SPECC1: variants seen among roughly 807,000 people sequenced by gnomAD.
SPECC1 encodes sperm antigen with calponin homology and coiled-coil domains 1.
SPECC1 carries 62 observed loss-of-function variants against 104.1 expected under a neutral mutation model. The ratio of observed to expected loss-of-function variants is 0.60; its 90% confidence interval spans 0.49 to 0.74. The LOEUF (loss-of-function observed/expected upper bound fraction) is 0.74. SPECC1 is among the 30% of genes least tolerant of loss of function. The probability of loss-of-function intolerance (pLI) is 0.00; values close to 1 mark genes in which losing one functional copy is unlikely to be tolerated. For synonymous variants in SPECC1, 513 were observed against 501.6 expected, an observed-to-expected ratio of 1.02 and a Z score of -0.30; for missense variants, 1,306 against 1,310.5, an observed-to-expected ratio of 1.00 and a Z score of 0.05.
intron 2 of SPECC1, 120 bp from the exon 3 acceptor site, chr17:20,110,307 G>C: frequency 8.3e-7 from 1 of 1,211,638 alleles, no homozygotes; most frequent in Non-Finnish European, 1.2e-6. Flanking sequence ...GCTACTCAAA[G>C]TGCTGTTATT....
intron 3 of SPECC1, among the ~76,000 whole-genome samples, chr17:20,144,223 C>T (rs1221988010): frequency 7.9e-6 from 1 of 126,922 alleles, no homozygotes; most frequent in South Asian, 2.7e-4. Flanking sequence ...CTCTGTCTGT[C>T]ACCGAGGCTG....
intron 1 of SPECC1, among the ~76,000 whole-genome samples, chr17:20,063,703 C>T (rs1272575791): frequency 6.6e-6 from 1 of 152,176 alleles, no homozygotes; most frequent in African/African-American, 2.4e-5. Context: ...ATCACAAACA[C>T]AGGCAGTTCA....
intron 12 of SPECC1, among the ~76,000 whole-genome samples, chr17:20,261,850 G>A (rs974505368): frequency 1.3e-5 from 2 of 152,150 alleles, no homozygotes; most frequent in Non-Finnish European, 2.9e-5. Flanking sequence ...CTGTGAGGAA[G>A]TGAAAAGTCA....
rs2046299355 is a variant in SPECC1, at chr17:20,064,569, C to T, written c.-21-32062C>T. ...TGGGGTGGGAGGACAGCAGGAGGATCTGTCCCAGCGCCAGACGTCTTCCAT... is the reference window on the plus strand; with the variant it reads ...TGGGGTGGGAGGACAGCAGGAGGATTTGTCCCAGCGCCAGACGTCTTCCAT... On this transcript the variant is annotated intron_variant, in intron 1 of 14. Transcript: ENST00000395527. 2.6e-5 allele frequency among the ~76,000 whole-genome samples: 4 copies of T among 152,154 alleles called. No individual in the cohort carries two copies. In the South Asian group the frequency reaches 8.3e-4, roughly 32 times the overall value.
chr17:20,144,041 A>T (rs539126057), intron 3 of SPECC1, among the ~76,000 whole-genome samples: 78 of 152,294 alleles, frequency 5.1e-4, no homozygotes, highest in African/African-American at 1.8e-3. Flanking sequence ...ATGTGAGTTC[A>T]CTGAGAGTCC....
chr17:20,309,980 G>C (rs1297618406), intron 14 of SPECC1, among the ~76,000 whole-genome samples: 1 of 150,110 alleles, frequency 6.7e-6, no homozygotes, highest in Non-Finnish European at 1.5e-5. Context: ...ACCATGCCCA[G>C]CTAATTTTTT....
chr17:20,081,138 A>G (rs1379871154), intron 1 of SPECC1, among the ~76,000 whole-genome samples: 3 of 151,936 alleles, frequency 2.0e-5, no homozygotes, highest in Non-Finnish European at 4.4e-5. Context: ...CTCTTCTGTC[A>G]CTGTGTGACT....
chr17:20,224,522 CTTTAT>C (rs1448203414), intron 4 of SPECC1, among the ~76,000 whole-genome samples: 1 of 152,096 alleles, frequency 6.6e-6, no homozygotes, highest in Non-Finnish European at 1.5e-5. Context: ...CTGCTTGGTT[CTTTAT>C]TTTATTGTGG....
At chr17:20,071,012 G>A (rs1315795116) in intron 1 of SPECC1, among the ~76,000 whole-genome samples, 2 of 151,892 alleles carry the variant, frequency 1.3e-5, no homozygotes, top group African/African-American at 4.8e-5. Context: ...AGGTTGACGT[G>A]TGGTCTTTCT....
chr17:20,096,555 G>A, intron 1 of SPECC1, 76 bp from the exon 2 acceptor site: 6 of 1,463,952 alleles, frequency 4.1e-6, no homozygotes, highest in Admixed American at 2.0e-5. Context: ...CGTGGTATGT[G>A]GGGTGTAAAG....
chr17:20,240,060 A>AATTTTTTTT (rs1346205628), intron 7 of SPECC1, among the ~76,000 whole-genome samples: 1 of 32,180 alleles, frequency 3.1e-5, no homozygotes, highest in Non-Finnish European at 5.2e-5. Context: ...TGTCCAGCTA[A>AATTTTTTTT]TTTTTTTTTT....
chr17:20,121,007 G>A (rs2049000013), intron 3 of SPECC1, among the ~76,000 whole-genome samples: 1 of 152,188 alleles, frequency 6.6e-6, no homozygotes, highest in South Asian at 2.1e-4. Flanking sequence ...ACTATTTCCA[G>A]TTTCTGGTTT....
intron 12 of SPECC1, among the ~76,000 whole-genome samples, chr17:20,270,022 G>C (rs1048716069): frequency 2.0e-5 from 3 of 152,268 alleles, no homozygotes; most frequent in Middle Eastern, 6.8e-3. Context: ...TCTACATCTT[G>C]TATGAGTCCA....
At chr17:20,139,175 T>A (rs140580129) in intron 3 of SPECC1, among the ~76,000 whole-genome samples, 3 of 152,218 alleles carry the variant, frequency 2.0e-5, no homozygotes, top group African/African-American at 7.2e-5. Context: ...TGTTCTTGGG[T>A]ACATTTTCTT....
At chr17:20,296,850 A>AT (rs2041368157) in intron 12 of SPECC1, 111 bp from the exon 13 acceptor site, 1 of 984,358 alleles carries the variant, frequency 1.0e-6, no homozygotes, top group Non-Finnish European at 1.6e-6. Context: ...AATGCTTGTG[A>AT]TTTTTGCACA....
At position 20,304,117 on chromosome 17, in the gene SPECC1, CAAAAAAAA is replaced by C. The variant is rs774130653; in HGVS notation, c.3058-1887_3058-1880del. Among the ~76,000 whole-genome samples the C allele has an allele frequency of 5.8e-4, 23 of 39,336 alleles. No individual in the cohort carries two copies. In the East Asian group the frequency reaches 0.012, roughly 21 times the overall value. The allele number at this position is 39,336 out of a possible 152,430, so 25.8% of individuals were successfully genotyped here. A position where few individuals can be genotyped will look rare whatever the true frequency, so the allele number is the denominator to read the frequency against. On this transcript the variant is annotated intron_variant, in intron 13 of 14. Coordinates refer to ENST00000395527, the MANE Select transcript of SPECC1 (RefSeq NM_001243439.2). Reference sequence around the variant, plus strand: ...CGAAACCCCTTCTCTACTAAAAATACAAAAAAAAAAAAAAAAAAAAAAAAAAGCCAGGT... The same window carrying C: ...CGAAACCCCTTCTCTACTAAAAATACAAAAAAAAAAAAAAAAAAGCCAGGT...
chr17:20,292,875 T>G (rs954893815), intron 12 of SPECC1, among the ~76,000 whole-genome samples: 1 of 152,208 alleles, frequency 6.6e-6, no homozygotes, highest in African/African-American at 2.4e-5. Context: ...GTGTGTTGCT[T>G]TCAGCTAGAT....
At chr17:20,069,049 A>C (rs2046456334) in intron 1 of SPECC1, among the ~76,000 whole-genome samples, 1 of 152,158 alleles carries the variant, frequency 6.6e-6, no homozygotes, top group East Asian at 1.9e-4. Flanking sequence ...TGTTATACAG[A>C]TTATTTCATC....
At position 20,295,577 on chromosome 17, in the gene SPECC1, T is replaced by A. The variant is rs535932859; in HGVS notation, c.2941-1384T>A. Among the ~76,000 whole-genome samples the A allele has an allele frequency of 1.2e-4, 18 of 152,336 alleles. No individual in the cohort carries two copies. The South Asian group carries it at 3.7e-3, about 32-fold the overall frequency. On this transcript the variant is annotated intron_variant, in intron 12 of 14. Coordinates refer to ENST00000395527, the MANE Select transcript of SPECC1 (RefSeq NM_001243439.2). Reference sequence around the variant, plus strand: ...GTCAAATGGTATTTCTAGTTCTAGATCCTTGAGGAATCACCACACTGTCTT... The same window carrying A: ...GTCAAATGGTATTTCTAGTTCTAGAACCTTGAGGAATCACCACACTGTCTT...
Sources: allele counts gnomAD v4.1 joint callset (sites outside exome capture counted in the v4.1 genomes callset), GRCh38; gene constraint gnomAD v4.1.1; transcripts MANE v1.5; gene names NCBI Gene and HGNC (gene_info 2026-07-23, HGNC 2026-07-21).